Variants in PDE9A observed in about 807,000 individuals in gnomAD.
The protein encoded by PDE9A is phosphodiesterase 9A, also known as high affinity cGMP-specific 3',5'-cyclic phosphodiesterase 9A.
In PDE9A, 60 loss-of-function variants were observed where a neutral mutation model predicts 87.4. The ratio of observed to expected loss-of-function variants is 0.69; its 90% CI spans 0.56 to 0.85. The LOEUF (loss-of-function observed/expected upper bound fraction) is 0.85. Ranked by LOEUF, PDE9A falls within the 40% of genes least tolerant of loss-of-function variation. The pLI is 0.00. For missense variants in PDE9A, 665 were observed against 779.0 expected, an observed-to-expected ratio of 0.85 and a Z score of 1.74; for synonymous variants, 272 against 279.4, an observed-to-expected ratio of 0.97 and a Z score of 0.27.
At chr21:42,768,942 G>T in intron 16 of PDE9A, 85 bp from the exon 17 acceptor site, 1 of 1,516,052 alleles carries the variant, frequency 6.6e-7, no homozygotes, top group East Asian at 2.3e-5. Context: ...TGGTTAACTG[G>T]CGCATCTTGT....
intron 1 of PDE9A, among the ~76,000 whole-genome samples, chr21:42,666,005 C>T (rs1050460505): frequency 6.6e-6 from 1 of 152,240 alleles, no homozygotes; most frequent in African/African-American, 2.4e-5. Context: ...GAAACGCTGC[C>T]TTCCTGGGGC....
chr21:42,740,614 G>A (rs200851238), intron 7 of PDE9A, among the ~76,000 whole-genome samples: 35 of 57,662 alleles, frequency 6.1e-4, no homozygotes, highest in South Asian at 2.7e-3. Flanking sequence ...TGGATGGATG[G>A]ATGGATGGAT....
rs1256125097 is a variant in PDE9A at position 42,759,207 on chromosome 21, G to A, written c.897+122G>A. 22 of 689,108 alleles carry A rather than the reference G, an allele frequency of 3.2e-5. No individual in the cohort carries two copies. Among genetic ancestry groups the A allele is most frequent in the Admixed American group, 1.6e-4 (7 of 45,004 alleles). 42.7% of individuals were successfully genotyped at this position (689,108 alleles called of 1,614,324 possible). On this transcript the variant is annotated intron_variant, in intron 11 of 19. Coordinates refer to ENST00000291539, the MANE Select transcript of PDE9A (RefSeq NM_002606.3). The surrounding 1 kb of genome is among the most constrained non-coding windows in gnomAD (Gnocchi z 7.2). ...GGCACTGCGCTCCCTGTGAGCAGAG[G>A]TGACATTTCCCCGGGAGTTCTGTGA...
chr21:42,706,005 C>T (rs976332481), intron 4 of PDE9A, among the ~76,000 whole-genome samples: 3 of 152,226 alleles, frequency 2.0e-5, no homozygotes, highest in Non-Finnish European at 4.4e-5. Flanking sequence ...CATAAGGAGG[C>T]GCATCCGCAG....
chr21:42,713,320 G>A (rs1204906477), intron 4 of PDE9A, among the ~76,000 whole-genome samples: 2 of 152,124 alleles, frequency 1.3e-5, no homozygotes, highest in Non-Finnish European at 2.9e-5. Flanking sequence ...TTTTAGTAGA[G>A]ACAGGGTTTC....
In PDE9A at chr21:42,773,546, G is replaced by A. The variant is rs549338150; in HGVS notation, c.1768+1026G>A. Among the ~76,000 whole-genome samples, 11 of 152,278 alleles carry A rather than the reference G, an allele frequency of 7.2e-5. No homozygotes were observed. In the East Asian group the frequency reaches 9.7e-4, roughly 13 times the overall value. On this transcript the variant is annotated intron_variant, in intron 19 of 19. Transcript: ENST00000291539. ...CTAATGGCCAGGCACGGTGGCTCAC[G>A]CCTGTAATCCAAGCACTTTGGGAGG...
chr21:42,691,130 A>G (rs1020075854), intron 3 of PDE9A, among the ~76,000 whole-genome samples: 1 of 151,156 alleles, frequency 6.6e-6, no homozygotes, highest in Non-Finnish European at 1.5e-5. Flanking sequence ...ACCTATCACC[A>G]TCATCATCCA....
chr21:42,752,699 T>C (rs2051402), intron 9 of PDE9A, among the ~76,000 whole-genome samples: 64,852 of 152,182 alleles, frequency 0.43, 14,102 homozygotes, highest in South Asian at 0.61. Flanking sequence ...CCTCCAGATC[T>C]GTCCCCTTAC....
rs560780197 is a variant in PDE9A, at chr21:42,695,214, G to A, written c.219-3754G>A. On this transcript the variant is annotated intron_variant, in intron 3 of 19. Transcript: ENST00000291539. This position sits in a 1 kb window ranked among gnomAD's most constrained non-coding sequence, Gnocchi z 4.3. ...ATAATTGATGACTAAACAACCTAAC[G>A]ACCAACAAATATAAAAAGTCATAGC... 1.3e-5 allele frequency among the ~76,000 whole-genome samples: 2 copies of A among 152,140 alleles called. No individual in the cohort carries two copies. Among genetic ancestry groups the A allele is most frequent in the Admixed American group, 6.5e-5 (1 of 15,272 alleles).
intron 1 of PDE9A, among the ~76,000 whole-genome samples, chr21:42,672,233 C>T (rs1477259220): frequency 1.3e-5 from 2 of 152,246 alleles, no homozygotes; most frequent in African/African-American, 4.8e-5. Flanking sequence ...CAGACCACAG[C>T]TGAAGGTCTG....
intron 10 of PDE9A, 101 bp downstream of exon 10, chr21:42,754,165 T>G (rs4919999): frequency 1.5e-6 from 1 of 648,294 alleles, no homozygotes; most frequent in Non-Finnish European, 2.7e-6. Flanking sequence ...TTCTTGCTTT[T>G]TCCTCTTCTT....
At chr21:42,663,120 C>T (rs2057708542) in intron 1 of PDE9A, among the ~76,000 whole-genome samples, 1 of 150,630 alleles carries the variant, frequency 6.6e-6, no homozygotes, top group African/African-American at 2.4e-5. Context: ...ACATCACACA[C>T]ATGCACACAC....
intron 1 of PDE9A, among the ~76,000 whole-genome samples, chr21:42,663,011 A>C (rs1228935782): frequency 2.0e-5 from 3 of 148,290 alleles, no homozygotes; most frequent in African/African-American, 7.6e-5. Flanking sequence ...CACGCACACC[A>C]CACACACGCA....
At position 42,731,777 on chromosome 21, in the gene PDE9A, C is replaced by T. The variant is rs775447030; in HGVS notation, c.270C>T (p.Val90=). 2.2e-5 allele frequency: 35 copies of T among 1,611,828 alleles called. No individual in the cohort carries two copies. Among genetic ancestry groups the T allele is most frequent in the Non-Finnish European group, 2.7e-5 (32 of 1,179,158 alleles). ...CCTGCCTGCTTTTTATAGCTGGTGT[C>T]GAGGACAAGAGAACCACAAGCCGTG... ...PVAIKQLSAG[V]EDKRTTSRGQ... The change falls in exon 5 of 20, where the codon GTC becomes GTT. Residue 90 remains valine, a synonymous_variant. Coordinates refer to ENST00000291539, the MANE Select transcript of PDE9A (RefSeq NM_002606.3).
intron 8 of PDE9A, among the ~76,000 whole-genome samples, chr21:42,749,011 G>A (rs1384104004): frequency 1.3e-5 from 2 of 152,172 alleles, no homozygotes; most frequent in Admixed American, 6.5e-5. Flanking sequence ...CACTGTGCTG[G>A]TTTAAACCGC....
chr21:42,769,569 CACACACAT>C (rs1050219408), intron 17 of PDE9A, among the ~76,000 whole-genome samples: 10 of 146,624 alleles, frequency 6.8e-5, no homozygotes, highest in Middle Eastern at 7.1e-3. Context: ...CACACACACA[CACACACAT>C]GCACACAGGT....
Position 42,705,496 on chromosome 21 carries a change from C to T in PDE9A, c.262+6485C>T, listed in dbSNP as rs982369418. Among the ~76,000 whole-genome samples, 2 of 152,106 alleles carry T rather than the reference C, an allele frequency of 1.3e-5. No individual in the cohort carries two copies. The highest frequency in any genetic ancestry group is 2.9e-5 in the Non-Finnish European group (2 of 68,018). On this transcript the variant is annotated intron_variant, in intron 4 of 19. Transcript: ENST00000291539. This position sits in a 1 kb window ranked among gnomAD's most constrained non-coding sequence, Gnocchi z 4.3. ...TGATGAGGATTGGGTGCTGTGATCACAGCACGCGGGAAAAGGACAGGGCCT... is the reference window on the plus strand; with the variant it reads ...TGATGAGGATTGGGTGCTGTGATCATAGCACGCGGGAAAAGGACAGGGCCT...
chr21:42,689,449 G>C (rs572789850), intron 3 of PDE9A: 1 of 738,342 alleles, frequency 1.4e-6, no homozygotes, highest in Non-Finnish European at 1.7e-6. Flanking sequence ...CCAGCCTGGG[G>C]GGTCTCGCTC....
In PDE9A at chr21:42,769,198, T is replaced by G. The variant is rs1231935691; in HGVS notation, c.1590+43T>G. The G allele has an allele frequency of 4.4e-6, 7 of 1,590,678 alleles. No individual in the cohort carries two copies. In the Middle Eastern group the frequency reaches 6.6e-4, roughly 151 times the overall value. ...CATGTCACACTTGCTTACACTCAGATACATGCATGCACACACAGGCACACA... is the reference window on the plus strand; with the variant it reads ...CATGTCACACTTGCTTACACTCAGAGACATGCATGCACACACAGGCACACA... On this transcript the variant is annotated intron_variant, in intron 17 of 19. Coordinates refer to ENST00000291539, the MANE Select transcript of PDE9A (RefSeq NM_002606.3).
Sources: gnomAD v4.1 joint callset for allele counts (sites outside exome capture counted in the v4.1 genomes callset) on GRCh38, gnomAD v4.1.1 for gene constraint, Gnocchi (gnomAD v3.1) non-coding constraint, MANE v1.5 for transcripts, NCBI Gene and HGNC (gene_info 2026-07-23, HGNC 2026-07-21) for gene names.